The following CNTN1 variants were observed in gnomAD, a reference collection of about 807,000 sequenced individuals.
The protein encoded by CNTN1 is contactin-1.
Under a neutral mutation model 126.4 loss-of-function variants are expected in CNTN1, and 38 were observed. The observed-to-expected ratio is 0.30, with a 90% CI of 0.23 to 0.39. The LOEUF (loss-of-function observed/expected upper bound fraction) is 0.39, where lower values mean the gene tolerates loss of function less well. Ranked by LOEUF, CNTN1 falls within the 10% of genes least tolerant of loss-of-function variation. The pLI is 1.00. For missense variants in CNTN1, 1,009 were observed against 1,248.4 expected (o/e 0.81, Z 2.89); for synonymous variants, 413 against 422.6 (o/e 0.98, Z 0.28).
chr12:41,049,663 T>A (rs1209381373), intron 23 of CNTN1, among the ~76,000 whole-genome samples: 1 of 152,226 alleles, frequency 6.6e-6, no homozygotes, highest in Non-Finnish European at 1.5e-5. Context: ...ACCACAGTGA[T>A]TATTTTAAAA....
intron 4 of CNTN1, among the ~76,000 whole-genome samples, chr12:40,919,534 A>G (rs1255908661): frequency 6.6e-6 from 1 of 152,180 alleles, no homozygotes; most frequent in Non-Finnish European, 1.5e-5. Context: ...TGGGGGCTCT[A>G]GTGTGTTAAT....
At chr12:40,798,808 G>T (rs1940540455) in intron 1 of CNTN1, among the ~76,000 whole-genome samples, 1 of 151,920 alleles carries the variant, frequency 6.6e-6, no homozygotes, top group Non-Finnish European at 1.5e-5. Context: ...TAATACCTGG[G>T]TGATGAGGAA....
chr12:40,873,686 A>T (rs2136677003), intron 1 of CNTN1, among the ~76,000 whole-genome samples: 1 of 152,282 alleles, frequency 6.6e-6, no homozygotes. Context: ...AATACAATAC[A>T]ATTTTAAGAT....
intron 23 of CNTN1, among the ~76,000 whole-genome samples, chr12:41,064,865 A>AT (rs1432997639): frequency 2.0e-5 from 3 of 151,772 alleles, no homozygotes; most frequent in Admixed American, 6.6e-5. Flanking sequence ...TTTTTTTTTA[A>AT]TTTTTTCAAA....
chr12:40,921,678 T>A (rs941625233), intron 4 of CNTN1, among the ~76,000 whole-genome samples: 1 of 152,150 alleles, frequency 6.6e-6, no homozygotes, highest in African/African-American at 2.4e-5. Context: ...AATCCAGATT[T>A]ACTTGTATAT....
chr12:40,953,663 C>T (rs1009688000), intron 14 of CNTN1, among the ~76,000 whole-genome samples: 3 of 151,910 alleles, frequency 2.0e-5, no homozygotes, highest in Non-Finnish European at 4.4e-5. Flanking sequence ...TAACATTAAA[C>T]TTTTAGAGTA....
intron 22 of CNTN1, 85 bp from the exon 23 acceptor site, chr12:41,028,977 TA>T: frequency 7.8e-7 from 1 of 1,274,648 alleles, no homozygotes; most frequent in Non-Finnish European, 1.1e-6. Context: ...AATCAAAGTA[TA>T]AGCATTTTTA....
At chr12:40,936,977 A>T (rs1385884207) in intron 10 of CNTN1, 72 bp downstream of exon 10, 15 of 1,590,354 alleles carry the variant, frequency 9.4e-6, no homozygotes. Context: ...TCCTGGGATA[A>T]ATTTAGCAGG....
chr12:40,728,060 G>A (rs1292899844), intron 1 of CNTN1, among the ~76,000 whole-genome samples: 1 of 152,202 alleles, frequency 6.6e-6, no homozygotes, highest in Non-Finnish European at 1.5e-5. Context: ...TGTGGTCACA[G>A]TAGCTGGGAG....
At chr12:40,940,851 C>T (rs933035388) in intron 12 of CNTN1, among the ~76,000 whole-genome samples, 2 of 152,078 alleles carry the variant, frequency 1.3e-5, no homozygotes, top group Non-Finnish European at 2.9e-5. Context: ...TTCAATTTGC[C>T]GCTGAAACAT....
intron 1 of CNTN1, among the ~76,000 whole-genome samples, chr12:40,786,780 T>A (rs951138760): frequency 2.0e-5 from 3 of 152,168 alleles, no homozygotes; most frequent in Non-Finnish European, 4.4e-5. Context: ...ATTGCAACAA[T>A]GGAATCCAGA....
At chr12:40,846,443 G>A (rs1404466014) in intron 1 of CNTN1, among the ~76,000 whole-genome samples, 1 of 152,164 alleles carries the variant, frequency 6.6e-6, no homozygotes, top group Admixed American at 6.5e-5. Flanking sequence ...ACTCCAGCCT[G>A]GACAACAGCG....
intron 1 of CNTN1, among the ~76,000 whole-genome samples, chr12:40,739,910 G>C (rs536778931): frequency 6.6e-6 from 1 of 152,132 alleles, no homozygotes; most frequent in South Asian, 2.1e-4. Flanking sequence ...TTAGAAAGGA[G>C]GATATGAATA....
At chr12:40,976,625 T>C (rs1386663588) in intron 15 of CNTN1, among the ~76,000 whole-genome samples, 1 of 151,688 alleles carries the variant, frequency 6.6e-6, no homozygotes, top group Admixed American at 6.6e-5. Flanking sequence ...ATCAGAAGAG[T>C]GGTCAGTTCT....
chr12:40,911,173 G>A (rs112105676), intron 3 of CNTN1, among the ~76,000 whole-genome samples: 1 of 152,034 alleles, frequency 6.6e-6, no homozygotes, highest in Admixed American at 6.6e-5. Flanking sequence ...CTCCACCTCC[G>A]GGATTCACGC....
At position 40,933,477 on chromosome 12, in the gene CNTN1, T is replaced by C; in HGVS notation, c.720T>C (p.Tyr240=). The C allele has an allele frequency of 1.2e-6, 2 of 1,608,194 alleles. No individual in the cohort carries two copies. Among genetic ancestry groups the C allele is most frequent in the Non-Finnish European group, 1.7e-6 (2 of 1,175,038 alleles). The change falls in exon 8 of 24, where the codon TAT becomes TAC. Residue 240 remains tyrosine, a synonymous_variant. Coordinates refer to ENST00000551295, the MANE Select transcript of CNTN1 (RefSeq NM_001843.4). ...TAATATTAGGAACAACAAAACCATATCCTGCTGATATTGTAGTTCAGTTCA... is the reference window on the plus strand; with the variant it reads ...TAATATTAGGAACAACAAAACCATACCCTGCTGATATTGTAGTTCAGTTCA... The part of the protein sequence containing the change: ...IPIPERTTKP[Y]PADIVVQFKD...
chr12:40,699,836 C>A, intron 1 of CNTN1, among the ~76,000 whole-genome samples: 1 of 151,946 alleles, frequency 6.6e-6, no homozygotes, highest in East Asian at 1.9e-4. Context: ...GTAAGATGAT[C>A]TTGCTCATAG....
intron 9 of CNTN1, among the ~76,000 whole-genome samples, chr12:40,936,235 G>T (rs1211955887): frequency 6.6e-6 from 1 of 152,040 alleles, no homozygotes; most frequent in Non-Finnish European, 1.5e-5. Context: ...CACCAATCAT[G>T]GCTACTGTAT....
chr12:40,715,046 A>G (rs1227208308), intron 1 of CNTN1, among the ~76,000 whole-genome samples: 2 of 152,158 alleles, frequency 1.3e-5, no homozygotes, highest in Admixed American at 1.3e-4. Context: ...CGATAAGAAA[A>G]TCTAATACCA....
Sources: allele counts gnomAD v4.1 joint callset (sites outside exome capture counted in the v4.1 genomes callset), GRCh38; gene constraint gnomAD v4.1.1; transcripts MANE v1.5; gene names NCBI Gene and HGNC (gene_info 2026-07-23, HGNC 2026-07-21).